Variants in FARP2 observed in about 807,000 individuals in gnomAD.
FARP2 encodes the protein FERM, ARH/RhoGEF and pleckstrin domain protein 2.
Under a neutral mutation model 130.5 loss-of-function variants are expected in FARP2, and 111 were observed. The observed-to-expected ratio is 0.85, with a 90% CI of 0.73 to 1.00. FARP2 has a LOEUF of 1.00. Among genes scored for constraint, FARP2 ranks in the 50% least tolerant of loss-of-function variants. FARP2 has a pLI of 0.00. For missense variants in FARP2, 1,385 were observed against 1,346.3 expected, an observed-to-expected ratio of 1.03 and a Z score of -0.45; for synonymous variants, 504 against 516.9, an observed-to-expected ratio of 0.98 and a Z score of 0.34.
chr2:241,394,128 G>A (rs1391025495), intron 2 of FARP2, among the ~76,000 whole-genome samples: 5 of 152,150 alleles, frequency 3.3e-5, no homozygotes, highest in Non-Finnish European at 5.9e-5. Flanking sequence ...GGTACTTTGG[G>A]AACATGCAGT....
chr2:241,378,257 A>G (rs917292773), intron 2 of FARP2, among the ~76,000 whole-genome samples: 42 of 147,510 alleles, frequency 2.8e-4, no homozygotes, highest in African/African-American at 9.2e-4. Flanking sequence ...GCCCACCACC[A>G]TGCCCGGCTA....
At chr2:241,413,202 C>A (rs996364085) in intron 6 of FARP2, 105 bp from the exon 7 acceptor site, 2 of 655,738 alleles carry the variant, frequency 3.1e-6, no homozygotes, top group Non-Finnish European at 2.5e-6. Context: ...TATTCTTTTG[C>A]TACAAATTTG....
rs375678423 is a variant in FARP2 at position 241,491,553 on chromosome 2, A to T, written c.2661A>T (p.Glu887Asp). 85 of 1,613,650 alleles carry T rather than the reference A, an allele frequency of 5.3e-5. 1 individual carries two copies. The Middle Eastern group carries it at 1.2e-3, about 22-fold the overall frequency. Residue 887 changes from glutamate to aspartate, a missense_variant, in exon 24 of 27, where the codon GAA (glutamate) becomes GAT (aspartate). Physicochemically the swap from Glu to Asp is conservative, Grantham distance 45 (BLOSUM62 2). Coordinates refer to ENST00000264042, the MANE Select transcript of FARP2 (RefSeq NM_014808.4). ...AGGTATCTCTGGAGCAGGAGTCAGA[A>T]GATGATGCTCGGGGTGTCCGCAGCT... ...PNEVSLEQES[E>D]DDARGVRSSL...
At chr2:241,365,893 C>T (rs970632600) in intron 1 of FARP2, among the ~76,000 whole-genome samples, 4 of 150,836 alleles carry the variant, frequency 2.7e-5, no homozygotes, top group Non-Finnish European at 5.9e-5. Context: ...TACTAAACAC[C>T]GTGTACAGTT....
At chr2:241,474,415 T>C (rs2064401937) in intron 18 of FARP2, among the ~76,000 whole-genome samples, 3 of 142,430 alleles carry the variant, frequency 2.1e-5, no homozygotes, top group Non-Finnish European at 4.6e-5. Context: ...AGCTGAGCAC[T>C]GGGCAGTGCT....
At chr2:241,388,141 A>G (rs1419996743) in intron 2 of FARP2, among the ~76,000 whole-genome samples, 1 of 152,236 alleles carries the variant, frequency 6.6e-6, no homozygotes, top group Admixed American at 6.5e-5. Context: ...CTCAGAAAAG[A>G]AAAAAGTTGG....
intron 2 of FARP2, among the ~76,000 whole-genome samples, chr2:241,397,916 A>G (rs1451598507): frequency 7.5e-6 from 1 of 133,000 alleles, no homozygotes; most frequent in African/African-American, 2.9e-5. Flanking sequence ...TGCAACCTCC[A>G]CCTCCCAGGT....
chr2:241,453,600 T>C (rs556977207), intron 13 of FARP2, among the ~76,000 whole-genome samples: 80 of 150,452 alleles, frequency 5.3e-4, no homozygotes, highest in Middle Eastern at 6.9e-3. Context: ...CCAGCCTGGG[T>C]GAAAGAGCGA....
intron 8 of FARP2, among the ~76,000 whole-genome samples, chr2:241,425,863 GTT>G (rs201687563): frequency 5.5e-5 from 7 of 126,472 alleles, no homozygotes; most frequent in Admixed American, 2.4e-4. Flanking sequence ...TAATTCTTTT[GTT>G]TTTTTTTTTT....
chr2:241,377,147 A>C (rs927523417), intron 2 of FARP2, among the ~76,000 whole-genome samples: 2 of 152,072 alleles, frequency 1.3e-5, no homozygotes, highest in Admixed American at 1.3e-4. Flanking sequence ...TTAAGTCTTA[A>C]ACAGTAGTGT....
intron 16 of FARP2, 154 bp from the exon 17 acceptor site, chr2:241,463,745 A>G (rs2064091534): frequency 7.0e-6 from 5 of 716,556 alleles, no homozygotes; most frequent in Non-Finnish European, 1.2e-5. Context: ...AGCAGCTTCC[A>G]TCCAGGGCAG....
chr2:241,462,406 C>T, intron 14 of FARP2, 117 bp from the exon 15 acceptor site: 2 of 660,872 alleles, frequency 3.0e-6, no homozygotes, highest in South Asian at 3.7e-5. Flanking sequence ...AGGTGAAAAC[C>T]CCATGACGAT....
chr2:241,380,482 C>G (rs900699786), intron 2 of FARP2, among the ~76,000 whole-genome samples: 1 of 151,972 alleles, frequency 6.6e-6, no homozygotes, highest in African/African-American at 2.4e-5. Flanking sequence ...GTTGAGTATC[C>G]CTTATCTAAC....
At chr2:241,380,690 ATATAT>A (rs66840749) in intron 2 of FARP2, among the ~76,000 whole-genome samples, 28,412 of 149,988 alleles carry the variant, frequency 0.19, 3,022 homozygotes, top group Middle Eastern at 0.34. Flanking sequence ...TATAATAATA[ATATAT>A]TATATTATAT....
intron 2 of FARP2, among the ~76,000 whole-genome samples, chr2:241,399,839 G>A (rs1044366904): frequency 1.3e-5 from 2 of 152,130 alleles, no homozygotes; most frequent in African/African-American, 4.8e-5. Context: ...TTTTGTGCAT[G>A]GTGTGAGGTT....
chr2:241,411,216 A>T, intron 6 of FARP2, 86 bp downstream of exon 6: 1 of 918,450 alleles, frequency 1.1e-6, no homozygotes, highest in Non-Finnish European at 1.7e-6. Context: ...TTGCTGATGT[A>T]TTTGCCTAGT....
At chr2:241,456,963 G>C (rs372369550) in intron 14 of FARP2, 41 bp downstream of exon 14, 53 of 1,517,042 alleles carry the variant, frequency 3.5e-5, no homozygotes, top group Middle Eastern at 2.0e-4. Context: ...AGGGTTGCAG[G>C]GTGGGCCTGT....
Position 241,441,521 on chromosome 2 carries a change from A to G in FARP2, c.1376A>G (p.Gln459Arg). Residue 459 changes from glutamine to arginine, a missense_variant, in exon 13 of 27, where the codon CAG becomes CGG. By Grantham distance (43) the Gln-to-Arg change is conservative. Coordinates refer to ENST00000264042, the MANE Select transcript of FARP2 (RefSeq NM_014808.4). The stretch of plus-strand genomic sequence containing the variant: ...GGAGGCCCCGACACACCATCGGCCC[A>G]GCCCCTCGGGCCCCCCGCACTCCAG... ...VAGGPDTPSA[Q>R]PLGPPALQPG... The G allele has an allele frequency of 1.2e-6, 2 of 1,614,092 alleles. No homozygotes were observed. The highest frequency in any genetic ancestry group is 1.1e-5 in the South Asian group (1 of 91,084).
intron 13 of FARP2, among the ~76,000 whole-genome samples, chr2:241,447,312 C>G (rs1304717506): frequency 1.3e-5 from 2 of 152,326 alleles, no homozygotes; most frequent in East Asian, 3.9e-4. Flanking sequence ...CACCATGACT[C>G]TTGTGCAGAT....
Sources: gnomAD v4.1 joint callset for allele counts (sites outside exome capture counted in the v4.1 genomes callset) on GRCh38, gnomAD v4.1.1 for gene constraint, MANE v1.5 for transcripts, NCBI Gene and HGNC (gene_info 2026-07-23, HGNC 2026-07-21) for gene names.